Variants in PCDH15 observed in about 807,000 individuals in gnomAD.
PCDH15 encodes the protein protocadherin-15.
In PCDH15, 129 loss-of-function variants were observed where a neutral mutation model predicts 178.5. The observed-to-expected ratio is 0.72, with a 90% CI of 0.63 to 0.84. The LOEUF (loss-of-function observed/expected upper bound fraction) is 0.84, where lower values mean the gene tolerates loss of function less well. PCDH15 is among the 40% of genes least tolerant of loss of function. The probability of loss-of-function intolerance (pLI) is 0.00; values close to 1 mark genes in which losing one functional copy is unlikely to be tolerated. For missense variants in PCDH15, 2,230 were observed against 2,099.9 expected, an observed-to-expected ratio of 1.06 and a Z score of -1.21; for synonymous variants, 800 against 732.0, an observed-to-expected ratio of 1.09 and a Z score of -1.50.
At chr10:54,107,176 A>G (rs2094931378) in intron 15 of PCDH15, among the ~76,000 whole-genome samples, 1 of 152,200 alleles carries the variant, frequency 6.6e-6, no homozygotes, top group Non-Finnish European at 1.5e-5. Context: ...GTTCTCTTAT[A>G]TACTACTTGA....
intron 1 of PCDH15, among the ~76,000 whole-genome samples, chr10:55,215,852 C>G (rs921225303): frequency 2.0e-5 from 3 of 151,894 alleles, no homozygotes; most frequent in African/African-American, 7.3e-5. Context: ...TTTTCTGTGT[C>G]TCAGAGACAT....
intron 2 of PCDH15, among the ~76,000 whole-genome samples, chr10:55,131,096 C>T (rs1283902380): frequency 6.6e-6 from 1 of 152,094 alleles, no homozygotes; most frequent in African/African-American, 2.4e-5. Context: ...TTTGTACATT[C>T]TACTGGTTTA....
At chr10:53,907,516 G>A (rs2082761093) in intron 25 of PCDH15, among the ~76,000 whole-genome samples, 1 of 152,264 alleles carries the variant, frequency 6.6e-6, no homozygotes, top group South Asian at 2.1e-4. Context: ...AAAGTTATTT[G>A]GAAAGTGTTT....
At chr10:55,055,601 G>A (rs959247590) in intron 2 of PCDH15, among the ~76,000 whole-genome samples, 3 of 152,042 alleles carry the variant, frequency 2.0e-5, no homozygotes, top group African/African-American at 4.8e-5. Flanking sequence ...CCAGGATTTC[G>A]GGACCAATCT....
intron 2 of PCDH15, among the ~76,000 whole-genome samples, chr10:55,589,566 T>C (rs1842796514): frequency 6.6e-6 from 1 of 152,100 alleles, no homozygotes; most frequent in Non-Finnish European, 1.5e-5. Context: ...CCTACTCATC[T>C]GACAAAGGGC....
chr10:55,135,677 G>A (rs1326719270), intron 2 of PCDH15, among the ~76,000 whole-genome samples: 2 of 141,814 alleles, frequency 1.4e-5, no homozygotes, highest in African/African-American at 5.4e-5. Context: ...CCACCTCCCA[G>A]GTTCAAGCAA....
At chr10:54,853,930 T>G (rs966258695) in intron 3 of PCDH15, among the ~76,000 whole-genome samples, 3 of 152,170 alleles carry the variant, frequency 2.0e-5, no homozygotes, top group Non-Finnish European at 4.4e-5. Flanking sequence ...TTTGCCCAAG[T>G]TTTGCTCAGG....
chr10:55,033,191 G>A (rs964003953), intron 2 of PCDH15, among the ~76,000 whole-genome samples: 3 of 152,126 alleles, frequency 2.0e-5, no homozygotes, highest in African/African-American at 7.2e-5. Flanking sequence ...AAAGGGAGAG[G>A]CATAGTGCAG....
chr10:55,108,158 C>A (rs1421329978), intron 2 of PCDH15, among the ~76,000 whole-genome samples: 1 of 152,142 alleles, frequency 6.6e-6, no homozygotes, highest in Non-Finnish European at 1.5e-5. Flanking sequence ...ATACTCTGAT[C>A]TTATGCTTCT....
intron 2 of PCDH15, among the ~76,000 whole-genome samples, chr10:54,934,181 A>C (rs1018930413): frequency 7.2e-5 from 11 of 152,020 alleles, no homozygotes; most frequent in Non-Finnish European, 1.5e-4. Flanking sequence ...TTTTTGTCCT[A>C]TTGTCTGTTC....
chr10:54,426,291 T>G (rs552245747), intron 3 of PCDH15, among the ~76,000 whole-genome samples: 4 of 152,292 alleles, frequency 2.6e-5, no homozygotes, highest in African/African-American at 9.6e-5. Flanking sequence ...AATATTTTCA[T>G]GGACAGGGTT....
At chr10:55,452,320 G>C (rs1338920613) in intron 2 of PCDH15, among the ~76,000 whole-genome samples, 1 of 152,034 alleles carries the variant, frequency 6.6e-6, no homozygotes, top group Non-Finnish European at 1.5e-5. Flanking sequence ...ACGTTACCTT[G>C]ACCCATAGCC....
At chr10:54,884,068 T>A (rs1954309123) in intron 3 of PCDH15, among the ~76,000 whole-genome samples, 1 of 152,036 alleles carries the variant, frequency 6.6e-6, no homozygotes, top group Non-Finnish European at 1.5e-5. Flanking sequence ...TCATGAGATT[T>A]ATGTTTTTAT....
chr10:54,299,031 A>C (rs931787890), intron 8 of PCDH15, among the ~76,000 whole-genome samples: 2 of 152,246 alleles, frequency 1.3e-5, no homozygotes, highest in Middle Eastern at 3.2e-3. Context: ...CATGCAGTGC[A>C]AAAACCCAAG....
chr10:54,229,452 T>C (rs1564736071), intron 9 of PCDH15, among the ~76,000 whole-genome samples: 1 of 152,128 alleles, frequency 6.6e-6, no homozygotes, highest in Non-Finnish European at 1.5e-5. Flanking sequence ...GTAGCTATCA[T>C]TAACTAAATG....
chr10:55,112,598 T>A (rs1837536563), intron 2 of PCDH15, among the ~76,000 whole-genome samples: 1 of 152,058 alleles, frequency 6.6e-6, no homozygotes. Context: ...GCTGGTGGGA[T>A]CCAGACCAAA....
chr10:55,043,760 A>T (rs1000538298), intron 2 of PCDH15, among the ~76,000 whole-genome samples: 2 of 150,946 alleles, frequency 1.3e-5, no homozygotes, highest in Admixed American at 6.6e-5. Flanking sequence ...AATAAATAAA[A>T]GATTAAAAGA....
At chr10:54,256,655 T>C (rs1248044087) in intron 8 of PCDH15, among the ~76,000 whole-genome samples, 1 of 152,202 alleles carries the variant, frequency 6.6e-6, no homozygotes, top group Admixed American at 6.5e-5. Context: ...TCCTGGCTGA[T>C]TGTACCTCCT....
At chr10:54,665,705 T>A (rs1052219941) in intron 1 of PCDH15, among the ~76,000 whole-genome samples, 1 of 152,058 alleles carries the variant, frequency 6.6e-6, no homozygotes, top group Non-Finnish European at 1.5e-5. Context: ...ATATGAAGTC[T>A]ATTCTTCTTT....
Sources: allele counts gnomAD v4.1 joint callset (sites outside exome capture counted in the v4.1 genomes callset), GRCh38; gene constraint gnomAD v4.1.1; transcripts MANE v1.5; gene names NCBI Gene and HGNC (gene_info 2026-07-23, HGNC 2026-07-21).